ZFHX4: variants seen among roughly 807,000 people sequenced by gnomAD.
ZFHX4 encodes zinc finger homeobox protein 4.
Under a neutral mutation model 267.6 loss-of-function variants are expected in ZFHX4, and 56 were observed. The ratio of observed to expected loss-of-function variants is 0.21; its 90% CI spans 0.17 to 0.26. The LOEUF is 0.26. Among genes scored for constraint, ZFHX4 ranks in the 10% least tolerant of loss-of-function variants. The pLI, the probability that ZFHX4 is intolerant of heterozygous loss-of-function variation, is 1.00. For synonymous variants in ZFHX4, 1,778 were observed against 1,665.6 expected (o/e 1.07, Z -1.64); for missense variants, 4,332 against 4,420.0 (o/e 0.98, Z 0.56).
chr8:76,809,322 G>T (rs1811319665), intron 4 of ZFHX4, among the ~76,000 whole-genome samples: 1 of 152,104 alleles, frequency 6.6e-6, no homozygotes, highest in African/African-American at 2.4e-5. Context: ...TGTGAATGTG[G>T]TTATCTAGCA....
At chr8:76,693,608 G>T (rs984251891) in intron 1 of ZFHX4, 2 of 152,148 alleles carry the variant, frequency 1.3e-5, no homozygotes, top group Non-Finnish European at 2.9e-5. Context: ...AGAATAATTT[G>T]TTATGCTTAC....
rs764288381 is a variant in ZFHX4 at position 76,706,533 on chromosome 8, G to A, written c.2445G>A (p.Pro815=). The A allele has an allele frequency of 6.8e-6, 11 of 1,613,206 alleles. No homozygotes were observed. The highest frequency in any genetic ancestry group is 1.3e-5 in the African/African-American group (1 of 74,938). Reference sequence around the variant, plus strand: ...ATAATCTGCACTTGGGCCTCGCCCCGGCGGAAGCAGAGCTTTATCAGTACT... The same window carrying A: ...ATAATCTGCACTTGGGCCTCGCCCCAGCGGAAGCAGAGCTTTATCAGTACT... ...IQHNLHLGLA[P]AEAELYQYYL... is the part of the protein sequence containing the mutation. The change falls in exon 2 of 11, where the codon CCG becomes CCA. Residue 815 remains proline (P), a synonymous_variant. Transcript: ENST00000651372.
chr8:76,832,600 G>A (rs1356549621), intron 4 of ZFHX4, among the ~76,000 whole-genome samples: 2 of 152,144 alleles, frequency 1.3e-5, no homozygotes, highest in Non-Finnish European at 2.9e-5. Context: ...CATGATAAGA[G>A]ACTTGGTAAA....
At chr8:76,847,802 G>T (rs1812403803) in intron 6 of ZFHX4, among the ~76,000 whole-genome samples, 1 of 151,676 alleles carries the variant, frequency 6.6e-6, no homozygotes, top group South Asian at 2.1e-4. Flanking sequence ...TTAAAACTGG[G>T]TTATTTTGCA....
intron 4 of ZFHX4, among the ~76,000 whole-genome samples, chr8:76,781,468 A>C (rs1018141808): frequency 2.6e-5 from 4 of 152,096 alleles, no homozygotes; most frequent in African/African-American, 9.7e-5. Flanking sequence ...ACCAATCATC[A>C]ACTTGGTGAA....
chr8:76,757,809 G>C (rs2131722619), intron 3 of ZFHX4, among the ~76,000 whole-genome samples: 1 of 152,274 alleles, frequency 6.6e-6, no homozygotes, highest in Non-Finnish European at 1.5e-5. Context: ...AGATGAGCGT[G>C]GGAGTAGAAT....
At chr8:76,762,170 G>C (rs912216433) in intron 3 of ZFHX4, among the ~76,000 whole-genome samples, 1 of 152,130 alleles carries the variant, frequency 6.6e-6, no homozygotes, top group African/African-American at 2.4e-5. Flanking sequence ...AGTATGACTA[G>C]TTTCTGGTCC....
At position 76,854,596 on chromosome 8, in the gene ZFHX4, A is replaced by G. The variant is rs773676750; in HGVS notation, c.7675A>G (p.Met2559Val). Residue 2559 changes from methionine (M) to valine (V), a missense_variant, in exon 10 of 11, where the codon ATG (methionine) becomes GTG (valine). Physicochemically the swap from Met to Val is conservative, Grantham distance 21. Coordinates refer to ENST00000651372, the MANE Select transcript of ZFHX4 (RefSeq NM_024721.5). ...ACTGCTGGGCAGTTCCCTCACTCAA[A>G]TGCCCCCTCAGGCCAGTTCCTCCCA... The part of the protein sequence containing the change: ...GQLLGSSLTQ[M>V]PPQASSSHTT... 6.2e-7 allele frequency: 1 copy of G among 1,613,706 alleles called. No individual in the cohort carries two copies. The highest frequency in any genetic ancestry group is 8.5e-7 in the Non-Finnish European group (1 of 1,179,830).
intron 1 of ZFHX4, among the ~76,000 whole-genome samples, chr8:76,703,104 G>A (rs1219168783): frequency 6.6e-6 from 1 of 151,814 alleles, no homozygotes; most frequent in East Asian, 1.9e-4. Flanking sequence ...CAACAAATAG[G>A]GTTTCTGGTC....
intron 10 of ZFHX4, among the ~76,000 whole-genome samples, chr8:76,858,572 G>A (rs1038578692): frequency 1.3e-5 from 2 of 152,112 alleles, no homozygotes; most frequent in Non-Finnish European, 2.9e-5. Context: ...CCACCTGAGC[G>A]CCTGAGTTCC....
At chr8:76,693,923 C>T (rs1253040550) in intron 1 of ZFHX4, among the ~76,000 whole-genome samples, 1 of 152,190 alleles carries the variant, frequency 6.6e-6, no homozygotes, top group Non-Finnish European at 1.5e-5. Flanking sequence ...ATAAACCTTA[C>T]ACGAGCACTT....
At chr8:76,825,538 A>G (rs10957821) in intron 4 of ZFHX4, among the ~76,000 whole-genome samples, 5,462 of 152,292 alleles carry the variant, frequency 0.036, 147 homozygotes, top group African/African-American at 0.073. Flanking sequence ...ATTTTATGTC[A>G]CTGATGTTTC....
intron 4 of ZFHX4, among the ~76,000 whole-genome samples, chr8:76,787,726 T>C (rs183171373): frequency 7.5e-4 from 112 of 149,674 alleles, no homozygotes; most frequent in African/African-American, 2.5e-3. Flanking sequence ...GGCAGGAGAA[T>C]GGCGTGAACC....
chr8:76,783,984 T>G (rs75816734), intron 4 of ZFHX4, among the ~76,000 whole-genome samples: 2,089 of 152,132 alleles, frequency 0.014, 50 homozygotes, highest in African/African-American at 0.046. Context: ...ATACAGAAGA[T>G]GAAATAATAC....
intron 4 of ZFHX4, among the ~76,000 whole-genome samples, chr8:76,820,790 A>G (rs1002242104): frequency 2.0e-5 from 3 of 152,184 alleles, no homozygotes; most frequent in East Asian, 1.9e-4. Flanking sequence ...GATACCTACA[A>G]TGAAAAAGTA....
intron 1 of ZFHX4, among the ~76,000 whole-genome samples, chr8:76,690,728 C>A (rs1313151409): frequency 5.9e-5 from 9 of 151,490 alleles, no homozygotes; most frequent in African/African-American, 2.2e-4. Flanking sequence ...TACAGACAGA[C>A]ACACACACAC....
chr8:76,701,898 G>A (rs1290925539), intron 1 of ZFHX4, among the ~76,000 whole-genome samples: 1 of 151,936 alleles, frequency 6.6e-6, no homozygotes, highest in Non-Finnish European at 1.5e-5. Context: ...TTTTAATCTA[G>A]CATCATTAAT....
intron 3 of ZFHX4, among the ~76,000 whole-genome samples, chr8:76,713,663 C>A (rs2131625619): frequency 6.6e-6 from 1 of 152,272 alleles, no homozygotes; most frequent in East Asian, 1.9e-4. Context: ...CCACAGAAAA[C>A]TAGCGTTCTT....
chr8:76,704,060 T>G lies in ZFHX4; in HGVS notation c.-29T>G. The G allele has an allele frequency of 6.4e-7, 1 of 1,565,548 alleles. No homozygotes were observed. The highest frequency in any genetic ancestry group is 8.6e-7 in the Non-Finnish European group (1 of 1,158,354). ...TTATCCAGGTCCCTGACAGGCTGGA[T>G]GAAATGAGATCCCCATGTAGCAATT... On this transcript the variant is annotated 5_prime_UTR_variant, in exon 2 of 11. It removes an upstream start codon present in the reference 5' UTR. Transcript: ENST00000651372.
Sources: allele counts gnomAD v4.1 joint callset (sites outside exome capture counted in the v4.1 genomes callset), GRCh38; gene constraint gnomAD v4.1.1; transcripts MANE v1.5; gene names NCBI Gene and HGNC (gene_info 2026-07-23, HGNC 2026-07-21).